POU6F2: variants seen among roughly 807,000 people sequenced by gnomAD.
POU6F2 encodes POU class 6 homeobox 2, also known as POU domain, class 6, transcription factor 2.
In POU6F2, 31 loss-of-function variants were observed where a neutral mutation model predicts 71.3. That is an observed-to-expected ratio of 0.43 (90% CI 0.33 to 0.59). The LOEUF is 0.59. Ranked by LOEUF, POU6F2 falls within the 20% of genes least tolerant of loss-of-function variation. The probability of loss-of-function intolerance (pLI) is 0.04; values close to 1 mark genes in which losing one functional copy is unlikely to be tolerated. For synonymous variants in POU6F2, 347 were observed against 355.7 expected, an observed-to-expected ratio of 0.98 and a Z score of 0.27; for missense variants, 783 against 856.8, an observed-to-expected ratio of 0.91 and a Z score of 1.07.
At position 39,040,823 on chromosome 7, in the gene POU6F2, T is replaced by C. The variant is rs150434568; in HGVS notation, c.106-45037T>C. Among the ~76,000 whole-genome samples, 283 of 152,050 alleles carry C rather than the reference T, an allele frequency of 1.9e-3. 1 individual carries two copies. Among genetic ancestry groups the C allele is most frequent in the African/African-American group, 6.5e-3 (269 of 41,518 alleles). ...TGGTACTTTGCCTCTTGTCCCACTATGATTCTGTTCTAATTTCTGTTTACC... is the reference window on the plus strand; with the variant it reads ...TGGTACTTTGCCTCTTGTCCCACTACGATTCTGTTCTAATTTCTGTTTACC... On this transcript the variant is annotated intron_variant, in intron 1 of 9. Coordinates refer to ENST00000518318, the MANE Select transcript of POU6F2 (RefSeq NM_001370959.1).
At chr7:39,036,103 C>T (rs866031807) in intron 1 of POU6F2, among the ~76,000 whole-genome samples, 1 of 152,040 alleles carries the variant, frequency 6.6e-6, no homozygotes, top group African/African-American at 2.4e-5. Flanking sequence ...GGATACAGCT[C>T]ATTTGCAAGG....
At chr7:39,427,990 C>T (rs2237390) in intron 6 of POU6F2, among the ~76,000 whole-genome samples, 43,472 of 152,058 alleles carry the variant, frequency 0.29, 6,589 homozygotes, top group East Asian at 0.51. Context: ...CTATTGACTA[C>T]CTCAACTAGA....
intron 4 of POU6F2, among the ~76,000 whole-genome samples, chr7:39,208,066 T>C (rs891366538): frequency 6.6e-6 from 1 of 152,240 alleles, no homozygotes; most frequent in African/African-American, 2.4e-5. Context: ...AATTTATTAA[T>C]GATTATTTTG....
chr7:39,291,572 T>C (rs1784757206), intron 4 of POU6F2, among the ~76,000 whole-genome samples: 1 of 152,216 alleles, frequency 6.6e-6, no homozygotes, highest in African/African-American at 2.4e-5. Context: ...TTCCAAATCA[T>C]TCTCACTCTA....
At chr7:39,244,741 A>C (rs560302467) in intron 4 of POU6F2, among the ~76,000 whole-genome samples, 1 of 152,248 alleles carries the variant, frequency 6.6e-6, no homozygotes, top group South Asian at 2.1e-4. Context: ...TGTTAAAATC[A>C]TGGTTCTCAT....
intron 2 of POU6F2, among the ~76,000 whole-genome samples, chr7:39,186,096 C>T (rs1468941688): frequency 6.6e-6 from 1 of 151,960 alleles, no homozygotes; most frequent in Non-Finnish European, 1.5e-5. Flanking sequence ...TTATGTATCC[C>T]TAGCATGTTG....
intron 4 of POU6F2, among the ~76,000 whole-genome samples, chr7:39,309,463 G>A (rs911131391): frequency 3.5e-4 from 53 of 152,156 alleles, no homozygotes; most frequent in African/African-American, 1.3e-3. Flanking sequence ...TCAAATAATG[G>A]CAATGGCTCC....
chr7:39,280,091 C>A (rs191263527), intron 4 of POU6F2, among the ~76,000 whole-genome samples: 4 of 151,948 alleles, frequency 2.6e-5, no homozygotes, highest in Admixed American at 1.3e-4. Context: ...AGGTAAGGAC[C>A]CCCTCATGAC....
At position 39,364,628 on chromosome 7, in the gene POU6F2, C is replaced by CAT. The variant is rs1469101215; in HGVS notation, c.972+24623_972+24624dup. Among the ~76,000 whole-genome samples the CAT allele has an allele frequency of 7.9e-5, 12 of 152,158 alleles. 1 individual carries two copies. In the South Asian group the frequency reaches 2.3e-3, roughly 29 times the overall value. On this transcript the variant is annotated intron_variant, in intron 5 of 9. Coordinates refer to ENST00000518318, the MANE Select transcript of POU6F2 (RefSeq NM_001370959.1). Reference sequence around the variant, plus strand: ...TTTTTATGGCTGAGTAGTATTCCATCATATATATATAACCACAGTTTCTTT... The same window carrying CAT: ...TTTTTATGGCTGAGTAGTATTCCATCATATATATATATAACCACAGTTTCTTT...
At chr7:39,097,333 T>C (rs1791475507) in intron 2 of POU6F2, among the ~76,000 whole-genome samples, 1 of 152,128 alleles carries the variant, frequency 6.6e-6, no homozygotes, top group Admixed American at 6.5e-5. Flanking sequence ...TCTTTTCCTC[T>C]CAAAATAAAA....
At chr7:39,218,951 G>A (rs748769766) in intron 4 of POU6F2, among the ~76,000 whole-genome samples, 2 of 152,128 alleles carry the variant, frequency 1.3e-5, no homozygotes, top group African/African-American at 4.8e-5. Flanking sequence ...TGAAGCTAGG[G>A]AGGGAAGAGA....
At chr7:39,186,976 T>A (rs1793553978) in intron 2 of POU6F2, among the ~76,000 whole-genome samples, 2 of 152,232 alleles carry the variant, frequency 1.3e-5, no homozygotes, top group African/African-American at 2.4e-5. Flanking sequence ...CTGGGTGACA[T>A]GCCTACTAAT....
At chr7:39,183,401 G>A (rs1793473434) in intron 2 of POU6F2, among the ~76,000 whole-genome samples, 2 of 152,208 alleles carry the variant, frequency 1.3e-5, no homozygotes, top group African/African-American at 4.8e-5. Flanking sequence ...GGTGGCAGGA[G>A]GCAAAAGGAG....
At chr7:39,331,997 T>TA (rs2115569199) in intron 4 of POU6F2, among the ~76,000 whole-genome samples, 1 of 152,338 alleles carries the variant, frequency 6.6e-6, no homozygotes, top group Admixed American at 6.5e-5. Flanking sequence ...AGTGTTATTA[T>TA]AAAAAGAAAT....
rs185387476 is a variant in POU6F2 at position 39,211,103 on chromosome 7, C to T, written c.598+3483C>T. ...GTTCCTTTTATAAAGGCACTAATTT[C>T]GTCATGAGGGCTCCACCCTTATGAC... On this transcript the variant is annotated intron_variant, in intron 4 of 9. Coordinates refer to ENST00000518318, the MANE Select transcript of POU6F2 (RefSeq NM_001370959.1). 4.7e-4 allele frequency among the ~76,000 whole-genome samples: 71 copies of T among 152,212 alleles called. No homozygotes were observed. The East Asian group carries it at 0.013, about 28-fold the overall frequency.
chr7:39,371,508 G>A (rs956449854), intron 5 of POU6F2, among the ~76,000 whole-genome samples: 23 of 152,184 alleles, frequency 1.5e-4, no homozygotes, highest in African/African-American at 4.6e-4. Context: ...CAGTCTGGGG[G>A]CTCGGAGCAC....
At chr7:39,074,859 C>T (rs1005671783) in intron 1 of POU6F2, among the ~76,000 whole-genome samples, 2 of 152,130 alleles carry the variant, frequency 1.3e-5, no homozygotes, top group East Asian at 1.9e-4. Flanking sequence ...ACTAAGCAGT[C>T]GGCCTGCTAT....
chr7:39,211,827 C>G (rs1794148059), intron 4 of POU6F2, among the ~76,000 whole-genome samples: 1 of 152,162 alleles, frequency 6.6e-6, no homozygotes, highest in African/African-American at 2.4e-5. Context: ...GACTAATGAC[C>G]CATCTCCCTG....
In POU6F2 at chr7:39,321,918, TAGAG is replaced by T. The variant is rs775827735; in HGVS notation, c.599-17714_599-17711del. The stretch of plus-strand genomic sequence containing the variant: ...AGAGAGAGAGAGACAGAGAGAGAGA[TAGAG>T]AGAGAGAGAAAATGGGAGACTATTA... On this transcript the variant is annotated intron_variant, in intron 4 of 9. Transcript: ENST00000518318. Among the ~76,000 whole-genome samples the T allele has an allele frequency of 3.9e-4, 59 of 150,096 alleles. 1 individual carries two copies. Among genetic ancestry groups the T allele is most frequent in the African/African-American group, 6.4e-4 (26 of 40,770 alleles).
Sources: gnomAD v4.1 joint callset for allele counts (sites outside exome capture counted in the v4.1 genomes callset) on GRCh38, gnomAD v4.1.1 for gene constraint, MANE v1.5 for transcripts, NCBI Gene and HGNC (gene_info 2026-07-23, HGNC 2026-07-21) for gene names.